FHIT: variants seen among roughly 807,000 people sequenced by gnomAD.
FHIT encodes the protein bis(5'-adenosyl)-triphosphatase.
A neutral mutation model predicts 17.9 loss-of-function variants in FHIT; 19 were observed. The ratio of observed to expected loss-of-function variants is 1.06; its 90% CI spans 0.74 to 1.56. The LOEUF (loss-of-function observed/expected upper bound fraction) is 1.56. Among genes scored for constraint, FHIT ranks in the 40% most tolerant of loss-of-function variants. The probability of loss-of-function intolerance (pLI) is 0.00; values close to 1 mark genes in which losing one functional copy is unlikely to be tolerated. For synonymous variants in FHIT, 81 were observed against 69.7 expected, an observed-to-expected ratio of 1.16 and a Z score of -0.81; for missense variants, 248 against 189.2, an observed-to-expected ratio of 1.31 and a Z score of -1.82.
At chr3:59,975,099 T>A (rs974954271) in intron 7 of FHIT, among the ~76,000 whole-genome samples, 1 of 152,112 alleles carries the variant, frequency 6.6e-6, no homozygotes, top group African/African-American at 2.4e-5. Flanking sequence ...GAGATTTTTA[T>A]CAGTTTTATT....
chr3:60,868,003 G>A (rs1704238242), intron 3 of FHIT, among the ~76,000 whole-genome samples: 1 of 152,142 alleles, frequency 6.6e-6, no homozygotes, highest in South Asian at 2.1e-4. Context: ...TGTCTTATAT[G>A]ACCTTTCTCA....
At chr3:60,407,479 T>C (rs1258277120) in intron 5 of FHIT, among the ~76,000 whole-genome samples, 1 of 152,172 alleles carries the variant, frequency 6.6e-6, no homozygotes, top group Non-Finnish European at 1.5e-5. Context: ...CAAGTTTAGA[T>C]AATATTCAAT....
chr3:60,619,600 CAAAAAAAAAAAA>C (rs57198487), intron 4 of FHIT, among the ~76,000 whole-genome samples: 10 of 88,680 alleles, frequency 1.1e-4, no homozygotes, highest in South Asian at 1.1e-3. Context: ...TACCCACATG[CAAAAAAAAAAAA>C]AAAAAAAAAA....
At chr3:60,847,837 G>A (rs1447915) in intron 3 of FHIT, among the ~76,000 whole-genome samples, 46,521 of 151,878 alleles carry the variant, frequency 0.31, 7,887 homozygotes, top group African/African-American at 0.44. Flanking sequence ...TTTGGTCCCC[G>A]TATGAACTCC....
intron 4 of FHIT, among the ~76,000 whole-genome samples, chr3:60,697,274 T>C (rs2041135465): frequency 6.6e-6 from 1 of 152,150 alleles, no homozygotes; most frequent in Non-Finnish European, 1.5e-5. Flanking sequence ...ACCTCTAATA[T>C]GATCAGAGAG....
At chr3:59,996,852 T>C (rs914288898) in intron 7 of FHIT, among the ~76,000 whole-genome samples, 10 of 152,208 alleles carry the variant, frequency 6.6e-5, no homozygotes, top group East Asian at 1.9e-4. Flanking sequence ...GTCCTGAGGA[T>C]AGTGAAATGA....
At chr3:60,300,784 A>G (rs1037397459) in intron 5 of FHIT, among the ~76,000 whole-genome samples, 51 of 152,070 alleles carry the variant, frequency 3.4e-4, no homozygotes, top group Admixed American at 2.5e-3. Flanking sequence ...TATGGGAGGC[A>G]TTTTGGATAC....
chr3:60,604,710 T>C (rs1428669481), intron 4 of FHIT, among the ~76,000 whole-genome samples: 1 of 152,204 alleles, frequency 6.6e-6, no homozygotes, highest in Non-Finnish European at 1.5e-5. Flanking sequence ...ACTCTTGGTG[T>C]CCTAAGTGAT....
At chr3:60,413,712 T>C (rs2107234931) in intron 5 of FHIT, among the ~76,000 whole-genome samples, 2 of 152,144 alleles carry the variant, frequency 1.3e-5, no homozygotes, top group Non-Finnish European at 2.9e-5. Context: ...TTAAACTGCT[T>C]ACAAATTAGC....
intron 5 of FHIT, among the ~76,000 whole-genome samples, chr3:60,237,262 ATT>A (rs201958097): frequency 3.4e-3 from 425 of 124,782 alleles, no homozygotes; most frequent in African/African-American, 0.011. Flanking sequence ...TTGTTTTTCC[ATT>A]TTTTTTTTTT....
intron 5 of FHIT, among the ~76,000 whole-genome samples, chr3:60,114,422 C>T (rs888491946): frequency 3.5e-5 from 5 of 142,362 alleles, no homozygotes; most frequent in African/African-American, 1.3e-4. Flanking sequence ...TTCTTGTAAA[C>T]AGGCAATTAA....
At chr3:60,753,198 T>G (rs1481791660) in intron 4 of FHIT, among the ~76,000 whole-genome samples, 1 of 152,180 alleles carries the variant, frequency 6.6e-6, no homozygotes, top group African/African-American at 2.4e-5. Context: ...CTGGCAAACC[T>G]TTCCTTCACC....
At chr3:61,050,942 C>A (rs2034001974) in intron 2 of FHIT, among the ~76,000 whole-genome samples, 1 of 152,140 alleles carries the variant, frequency 6.6e-6, no homozygotes, top group Non-Finnish European at 1.5e-5. Context: ...CAATACTATT[C>A]CTTGGATTTT....
intron 4 of FHIT, among the ~76,000 whole-genome samples, chr3:60,560,844 C>CACAG (rs139684970): frequency 0.12 from 14,726 of 121,778 alleles, 859 homozygotes; most frequent in Middle Eastern, 0.17. Flanking sequence ...CACACACACA[C>CACAG]AGAGAGAGAG....
At chr3:61,151,778 G>A (rs1210676181) in intron 2 of FHIT, among the ~76,000 whole-genome samples, 1 of 151,930 alleles carries the variant, frequency 6.6e-6, no homozygotes, top group Non-Finnish European at 1.5e-5. Context: ...ATGTTGGCCA[G>A]GCTGGTCTCG....
chr3:61,143,378 T>C (rs140521918), intron 2 of FHIT, among the ~76,000 whole-genome samples: 1 of 152,218 alleles, frequency 6.6e-6, no homozygotes, highest in Non-Finnish European at 1.5e-5. Context: ...ATATTTAGAG[T>C]GCATGCATAT....
At chr3:61,164,094 TA>T (rs1281118139) in intron 2 of FHIT, among the ~76,000 whole-genome samples, 1 of 152,166 alleles carries the variant, frequency 6.6e-6, no homozygotes, top group African/African-American at 2.4e-5. Flanking sequence ...CATTTTGATG[TA>T]AGTGTTACTG....
chr3:59,978,419 C>A (rs997731534), intron 7 of FHIT, among the ~76,000 whole-genome samples: 1 of 151,828 alleles, frequency 6.6e-6, no homozygotes, highest in African/African-American at 2.4e-5. Flanking sequence ...GCTTTAGAGT[C>A]CCAAAATCAC....
rs145996663 is a variant in FHIT at position 59,981,362 on chromosome 3, T to C, written c.279+30009A>G. Among the ~76,000 whole-genome samples, 8 of 152,298 alleles carry C rather than the reference T, an allele frequency of 5.3e-5. No homozygotes were observed. The East Asian group carries it at 1.5e-3, about 29-fold the overall frequency. ...TCAGAGTAATCCCTATGTTTCTAGC[T>C]GATTAGCTGGTTTCATAAGGCAAAG... On this transcript the variant is annotated intron_variant, in intron 7 of 9. Transcript: ENST00000492590.
Sources: allele counts gnomAD v4.1 joint callset (sites outside exome capture counted in the v4.1 genomes callset), GRCh38; gene constraint gnomAD v4.1.1; transcripts MANE v1.5; gene names NCBI Gene and HGNC (gene_info 2026-07-23, HGNC 2026-07-21).